Variants in NTF4 observed in about 807,000 individuals in gnomAD.
The protein encoded by NTF4 is neurotrophin 4.
NTF4 carries 2 observed loss-of-function variants against 4.4 expected under a neutral mutation model. The ratio of observed to expected loss-of-function variants is 0.46; its 90% CI spans 0.19 to 1.44. The LOEUF (loss-of-function observed/expected upper bound fraction) is 1.44, where lower values mean the gene tolerates loss of function less well. Among genes scored for constraint, NTF4 ranks in the 40% most tolerant of loss-of-function variants. The pLI is 0.26. For synonymous variants in NTF4, 127 were observed against 122.0 expected (o/e 1.04, Z -0.27); for missense variants, 260 against 293.0 (o/e 0.89, Z 0.82).
chr19:49,059,762 T>C (rs1172109685), downstream of NTF4, among the ~76,000 whole-genome samples: 1 of 152,064 alleles, frequency 6.6e-6, no homozygotes, highest in Non-Finnish European at 1.5e-5. Context: ...AAACAGCTTT[T>C]GATCACCGGG....
Position 49,061,870 on chromosome 19 carries a change from G to A in NTF4, c.128C>T (p.Ser43Phe), listed in dbSNP as rs955141551. ...ACCCCTAGACAGGACTACTCGGGGGGAGAGAAGGTCCCACTCAGGGGCCAG... is the reference window on the plus strand; with the variant it reads ...ACCCCTAGACAGGACTACTCGGGGGAAGAGAAGGTCCCACTCAGGGGCCAG... The change falls in exon 1 of 1, where the codon TCC becomes TTC. Residue 43 changes from serine to phenylalanine, a missense_variant. Transcript: ENST00000593537. The surrounding 1 kb of genome is among the most constrained non-coding windows in gnomAD (Gnocchi z 4.9). 9 of 1,542,884 alleles carry A rather than the reference G, an allele frequency of 5.8e-6. No individual in the cohort carries two copies. In the Admixed American group the frequency reaches 7.9e-5, roughly 13 times the overall value.
At chr19:49,060,085 C>T (rs2040115456), downstream of NTF4, among the ~76,000 whole-genome samples, 2 of 132,602 alleles carry the variant, frequency 1.5e-5, no homozygotes, top group Admixed American at 1.6e-4. Context: ...TGGTCAAGGC[C>T]TCTGACTGCT....
In NTF4 at chr19:49,061,938, C is replaced by A; in HGVS notation, c.60G>T (p.Val20=). ...AGGGTGGGGGTTGGGACTCAATTGG[C>A]ACACTGGGGAGGAGGAAAAGGAGGA... Residue 20 remains valine, a synonymous_variant, in exon 1 of 1, where the codon GTG becomes GTT. Transcript: ENST00000593537. This position sits in a 1 kb window ranked among gnomAD's most constrained non-coding sequence, Gnocchi z 4.9. The A allele has an allele frequency of 6.6e-7, 1 of 1,516,726 alleles. No homozygotes were observed. Among genetic ancestry groups the A allele is most frequent in the South Asian group, 1.2e-5 (1 of 81,786 alleles). The allele number at this position is 1,516,726 out of a possible 1,614,324, so 94.0% of individuals were successfully genotyped here.
rs887767311 is a variant in NTF4 at position 49,061,783 on chromosome 19, C to T, written c.215G>A (p.Gly72Asp). 1.9e-6 allele frequency: 3 copies of T among 1,561,052 alleles called. No homozygotes were observed. Among genetic ancestry groups the T allele is most frequent in the Admixed American group, 3.8e-5 (2 of 52,040 alleles). The change falls in exon 1 of 1, where the codon GGT (glycine) becomes GAT (aspartate). Residue 72 changes from glycine (G) to aspartate (D), a missense_variant. By Grantham distance (94) the Gly-to-Asp change is moderately conservative. Coordinates refer to ENST00000593537, the Ensembl canonical transcript of NTF4. This position sits in a 1 kb window ranked among gnomAD's most constrained non-coding sequence, Gnocchi z 4.9. ...ACGCCGGCTGCGGTTGGCCGGGGCA[C>T]CTGCTGACTCCCGAAAGGCCCCAGC...
At chr19:49,060,239 A>G (rs1384198495), downstream of NTF4, among the ~76,000 whole-genome samples, 2 of 151,340 alleles carry the variant, frequency 1.3e-5, no homozygotes, top group Admixed American at 1.3e-4. Context: ...TGCTGGCCCT[A>G]CTCAACAGCT....
downstream of NTF4, chr19:49,058,541 A>G (rs1184654230): frequency 6.0e-6 from 3 of 503,012 alleles, no homozygotes; most frequent in African/African-American, 2.0e-5. Context: ...CAAGCTCCCA[A>G]TCCCCTTTTC....
In NTF4 at chr19:49,061,952, G is replaced by A. The variant is rs2040155427; in HGVS notation, c.46C>T (p.Leu16Phe). 2 of 1,505,072 alleles carry A rather than the reference G, an allele frequency of 1.3e-6. No homozygotes were observed. Among genetic ancestry groups the A allele is most frequent in the East Asian group, 2.5e-5 (1 of 40,094 alleles). 93.2% of individuals were successfully genotyped at this position (1,505,072 alleles called of 1,614,324 possible). Residue 16 changes from leucine (L) to phenylalanine (F), a missense_variant, in exon 1 of 1, where the codon CTC becomes TTC. Transcript: ENST00000593537. The surrounding 1 kb of genome is among the most constrained non-coding windows in gnomAD (Gnocchi z 4.9). ...GACTCAATTGGCACACTGGGGAGGA[G>A]GAAAAGGAGGAGGATGGGGAGGGAG...
chr19:49,058,519 C>T, downstream of NTF4: 1 of 535,608 alleles, frequency 1.9e-6, no homozygotes, highest in Non-Finnish European at 3.3e-6. Context: ...CCTCCTCCTT[C>T]AGAGAGGAGT....
In NTF4 at chr19:49,061,801, G is replaced by A. The variant is rs1414742119; in HGVS notation, c.197C>T (p.Ala66Val). 1 of 1,555,238 alleles carries A rather than the reference G, an allele frequency of 6.4e-7. No individual in the cohort carries two copies. Among genetic ancestry groups the A allele is most frequent in the Non-Finnish European group, 8.7e-7 (1 of 1,150,064 alleles). The stretch of plus-strand genomic sequence containing the variant: ...CGGGGCACCTGCTGACTCCCGAAAG[G>A]CCCCAGCCTCCAGCAGGAAGAGCAG... The change falls in exon 1 of 1, where the codon GCC (alanine) becomes GTC (valine). Residue 66 changes from alanine (A) to valine (V), a missense_variant. Transcript: ENST00000593537. The surrounding 1 kb of genome is among the most constrained non-coding windows in gnomAD (Gnocchi z 4.9).
At chr19:49,060,934 T>C (rs1412265991), downstream of NTF4, 3 of 195,354 alleles carry the variant, frequency 1.5e-5, no homozygotes, top group Admixed American at 5.4e-5. Context: ...CCCCTGGCCA[T>C]CTGCTTGCCT....
chr19:49,058,518 T>G, downstream of NTF4: 1 of 535,288 alleles, frequency 1.9e-6, no homozygotes, highest in Non-Finnish European at 3.3e-6. Flanking sequence ...CCCTCCTCCT[T>G]CAGAGAGGAG....
chr19:49,059,369 G>A (rs2040105008), downstream of NTF4, among the ~76,000 whole-genome samples: 1 of 152,158 alleles, frequency 6.6e-6, no homozygotes, highest in African/African-American at 2.4e-5. Context: ...GGACCATAGC[G>A]AAAAAGATGG....
upstream of NTF4, among the ~76,000 whole-genome samples, chr19:49,063,419 G>A (rs1029573863): frequency 1.3e-5 from 2 of 151,024 alleles, no homozygotes; most frequent in Non-Finnish European, 2.9e-5. Flanking sequence ...CCAAGTTCAT[G>A]GCATTCTCCT....
chr19:49,061,749 G>A lies in NTF4; in HGVS notation c.249C>T (p.Ser83=), dbSNP rs572767613. The A allele has an allele frequency of 1.6e-5, 25 of 1,606,704 alleles. No homozygotes were observed. The highest frequency in any genetic ancestry group is 5.3e-5 in the African/African-American group (4 of 74,796). ...CCCGACGACTCGCTGGTGCAGTTTC[G>A]CTCACCCCACGCCGGCTGCGGTTGG... Residue 83 remains serine, a synonymous_variant, in exon 1 of 1, where the codon AGC becomes AGT. Transcript: ENST00000593537. This position sits in a 1 kb window ranked among gnomAD's most constrained non-coding sequence, Gnocchi z 4.9.
downstream of NTF4, chr19:49,060,987 C>T (rs1244889216): frequency 2.7e-5 from 7 of 261,262 alleles, no homozygotes; most frequent in Non-Finnish European, 4.5e-5. Flanking sequence ...TGAAATGTCC[C>T]CTCCCACTCC....
At position 49,061,457 on chromosome 19, in the gene NTF4, T is replaced by C. The variant is rs772499451; in HGVS notation, c.541A>G (p.Thr181Ala). 4 of 1,613,984 alleles carry C rather than the reference T, an allele frequency of 2.5e-6. No individual in the cohort carries two copies. Among genetic ancestry groups the C allele is most frequent in the Non-Finnish European group, 3.4e-6 (4 of 1,179,910 alleles). The stretch of plus-strand genomic sequence containing the variant: ...CCCACACGGCCCTGGGCATCAGCGG[T>C]CAATGCCCGCACATAGGACTGCTTG... Residue 181 changes from threonine (T) to alanine (A), a missense_variant, in exon 1 of 1, where the codon ACC becomes GCC. By Grantham distance (58) the Thr-to-Ala change is moderately conservative (BLOSUM62 0). Transcript: ENST00000593537. The surrounding 1 kb of genome is among the most constrained non-coding windows in gnomAD (Gnocchi z 4.9).
chr19:49,058,730 G>C (rs558849894), downstream of NTF4: 160 of 189,164 alleles, frequency 8.5e-4, 2 homozygotes, highest in African/African-American at 3.6e-3. Context: ...GAAAGACCAC[G>C]GGGGGCCACA....
chr19:49,063,859 C>T (rs1415210053), upstream of NTF4: 1 of 152,134 alleles, frequency 6.6e-6, no homozygotes, highest in African/African-American at 2.4e-5. Flanking sequence ...GAGGGGGCAA[C>T]CACCTAGGGG....
rs752948219 is a variant in NTF4 at position 49,061,756 on chromosome 19, C to T, written c.242G>A (p.Gly81Glu). ...ACTCGCTGGTGCAGTTTCGCTCACC[C>T]CACGCCGGCTGCGGTTGGCCGGGGC... Residue 81 changes from glycine (G) to glutamate (E), a missense_variant, in exon 1 of 1, where the codon GGG (glycine) becomes GAG (glutamate). Gly to Glu is a moderately conservative substitution (Grantham distance 98). Transcript: ENST00000593537. This position sits in a 1 kb window ranked among gnomAD's most constrained non-coding sequence, Gnocchi z 4.9. 7.5e-5 allele frequency: 120 copies of T among 1,599,614 alleles called. No homozygotes were observed. Among genetic ancestry groups the T allele is most frequent in the South Asian group, 1.0e-4 (9 of 89,472 alleles).
Sources: allele counts gnomAD v4.1 joint callset (sites outside exome capture counted in the v4.1 genomes callset), GRCh38; gene constraint gnomAD v4.1.1; non-coding constraint Gnocchi (gnomAD v3.1); transcripts MANE v1.5; gene names NCBI Gene and HGNC (gene_info 2026-07-23, HGNC 2026-07-21).